Variants in NHS observed in about 807,000 individuals in gnomAD.
NHS encodes the protein actin remodeling regulator NHS.
A neutral mutation model predicts 72.5 loss-of-function variants in NHS; 5 were observed. The observed-to-expected ratio is 0.07, with a 90% CI of 0.04 to 0.14. The LOEUF is 0.14. Ranked by LOEUF, NHS falls within the 10% of genes least tolerant of loss-of-function variation. NHS has a pLI of 1.00. For missense variants in NHS, 1,072 were observed against 1,355.7 expected (o/e 0.79, Z 3.29); for synonymous variants, 464 against 547.7 (o/e 0.85, Z 2.13).
intron 1 of NHS, among the ~76,000 whole-genome samples, chrX:17,438,738 A>C (rs1001869762): frequency 8.9e-6 from 1 of 112,030 alleles, no homozygotes; most frequent in African/African-American, 3.2e-5. Flanking sequence ...TGTCTTCAGC[A>C]AGAAATAGTT....
chrX:17,454,537 A>G (rs1454887570), intron 1 of NHS, among the ~76,000 whole-genome samples: 1 of 112,509 alleles, frequency 8.9e-6, no homozygotes, highest in African/African-American at 3.2e-5. Context: ...AATGTTGGCT[A>G]GAAGGCCACT....
chrX:17,601,283 G>A (rs192865177), intron 1 of NHS, among the ~76,000 whole-genome samples: 80 of 112,086 alleles, frequency 7.1e-4, no homozygotes, highest in Non-Finnish European at 1.1e-3. Context: ...TGGACATTGT[G>A]TTTCTTGCCA....
intron 1 of NHS, among the ~76,000 whole-genome samples, chrX:17,678,683 G>C (rs1476689689): frequency 9.0e-6 from 1 of 111,209 alleles, no homozygotes; most frequent in Non-Finnish European, 1.9e-5. Flanking sequence ...ACTGGGGATT[G>C]CATTTCAACA....
At chrX:17,515,416 A>G (rs1284688880) in intron 1 of NHS, among the ~76,000 whole-genome samples, 1 of 112,355 alleles carries the variant, frequency 8.9e-6, no homozygotes, top group African/African-American at 3.2e-5. Context: ...CTGAGTCTAT[A>G]TTATATACCA....
intron 1 of NHS, among the ~76,000 whole-genome samples, chrX:17,608,085 T>G (rs1378726029): frequency 1.8e-5 from 2 of 108,993 alleles, no homozygotes; most frequent in African/African-American, 6.7e-5. Flanking sequence ...CAGCTAATTT[T>G]TTTGTTTTTA....
At position 17,538,594 on chromosome X, in the gene NHS, T is replaced by C. The variant is rs757509393; in HGVS notation, c.566-149148T>C. On this transcript the variant is annotated intron_variant, in intron 1 of 8. Transcript: ENST00000676302. ...ATGTTGAGTCCTGGCACTTCTGTGC[T>C]CCAGTGACCAGAGAAAGCCCTCAGG... Among the ~76,000 whole-genome samples, 3 of 111,505 alleles carry C rather than the reference T, an allele frequency of 2.7e-5. No homozygotes were observed. In the South Asian group the frequency reaches 1.1e-3, roughly 43 times the overall value.
intron 1 of NHS, among the ~76,000 whole-genome samples, chrX:17,412,514 C>T (rs1415373501): frequency 4.5e-5 from 5 of 110,553 alleles, no homozygotes; most frequent in African/African-American, 1.6e-4. Flanking sequence ...GGAGAATCAC[C>T]TGAGCCCAGG....
At chrX:17,503,279 A>T (rs1328558792) in intron 1 of NHS, among the ~76,000 whole-genome samples, 1 of 112,344 alleles carries the variant, frequency 8.9e-6, no homozygotes, top group Admixed American at 9.5e-5. Flanking sequence ...TTCACTTTTT[A>T]AAATTACTGC....
chrX:17,440,054 G>A (rs1299347030), intron 1 of NHS, among the ~76,000 whole-genome samples: 1 of 109,996 alleles, frequency 9.1e-6, no homozygotes, highest in Admixed American at 9.7e-5. Context: ...GAGGTCAGGA[G>A]TTCGAGACCA....
chrX:17,493,641 A>G (rs2065000635), intron 1 of NHS, among the ~76,000 whole-genome samples: 1 of 111,581 alleles, frequency 9.0e-6, no homozygotes, highest in Non-Finnish European at 1.9e-5. Context: ...ATGGAGATGT[A>G]TGCTATTTCT....
chrX:17,418,176 C>T (rs2064606074), intron 1 of NHS, among the ~76,000 whole-genome samples: 1 of 111,901 alleles, frequency 8.9e-6, no homozygotes. Flanking sequence ...TCCAACAAAA[C>T]CAAGTAGCAA....
chrX:17,645,572 G>C lies in NHS; in HGVS notation c.566-42170G>C, dbSNP rs960796942. 1.8e-4 allele frequency among the ~76,000 whole-genome samples: 20 copies of C among 111,171 alleles called. 1 individual carries two copies. The highest frequency in any genetic ancestry group is 1.6e-3 in the Admixed American group (17 of 10,486). On this transcript the variant is annotated intron_variant, in intron 1 of 8. Coordinates refer to ENST00000676302, the MANE Select transcript of NHS (RefSeq NM_001291867.2). ...ATGACATCCTAGAACTGCTGAAGTG[G>C]GCAGGGAGGACCTCAGTGTGGTCCC...
Position 17,375,659 on chromosome X carries a change from C to A in NHS, c.-99C>A. The A allele has an allele frequency of 1.0e-6, 1 of 958,639 alleles. No individual in the cohort carries two copies. The highest frequency in any genetic ancestry group is 1.4e-6 in the Non-Finnish European group (1 of 700,541). The allele number at this position is 958,639 out of a possible 1,213,427, so 79.0% of individuals were successfully genotyped here. A position where few individuals can be genotyped will look rare whatever the true frequency, so the allele number is the denominator to read the frequency against. On this transcript the variant is annotated 5_prime_UTR_variant, in exon 1 of 9. Transcript: ENST00000676302. ...TCCGGACTGCCAGATCGCGCTTTTG[C>A]CGGACTCCTGCCCCCTCCCTGCTCA...
intron 1 of NHS, among the ~76,000 whole-genome samples, chrX:17,641,240 G>T (rs2065879343): frequency 1.8e-5 from 2 of 111,580 alleles, no homozygotes; most frequent in Admixed American, 1.9e-4. Flanking sequence ...TCCATTTTCT[G>T]CCAGGGAAAA....
At chrX:17,384,790 A>T (rs2064397137) in intron 1 of NHS, among the ~76,000 whole-genome samples, 1 of 111,788 alleles carries the variant, frequency 8.9e-6, no homozygotes, top group Admixed American at 9.5e-5. Flanking sequence ...TTTAGGGTCA[A>T]GGACAATTTT....
At chrX:17,444,311 G>C (rs111253735) in intron 1 of NHS, among the ~76,000 whole-genome samples, 1,646 of 111,904 alleles carry the variant, frequency 0.015, 35 homozygotes, top group African/African-American at 0.05. Flanking sequence ...GGTTGGGTCA[G>C]GGACCAACAG....
chrX:17,518,418 G>A (rs757807734), intron 1 of NHS, among the ~76,000 whole-genome samples: 14 of 111,712 alleles, frequency 1.3e-4, no homozygotes, highest in Non-Finnish European at 1.7e-4. Context: ...AGGAGTGAAC[G>A]CATGGCCACA....
chrX:17,667,113 T>C (rs2066017429), intron 1 of NHS, among the ~76,000 whole-genome samples: 2 of 112,734 alleles, frequency 1.8e-5, no homozygotes, highest in South Asian at 7.3e-4. Context: ...GGACTCCCCA[T>C]ACGGATTACA....
Position 17,531,112 on chromosome X carries a change from A to G in NHS, c.565+154790A>G, listed in dbSNP as rs147036073. On this transcript the variant is annotated intron_variant, in intron 1 of 8. Coordinates refer to ENST00000676302, the MANE Select transcript of NHS (RefSeq NM_001291867.2). ...TGGAAACCCTCGCACCAGCCAGGCTACCCTTGCCCCCTGCCTCATGCTTTT... is the reference window on the plus strand; with the variant it reads ...TGGAAACCCTCGCACCAGCCAGGCTGCCCTTGCCCCCTGCCTCATGCTTTT... Among the ~76,000 whole-genome samples the G allele has an allele frequency of 6.3e-3, 701 of 111,093 alleles. 8 individuals carry two copies. Among genetic ancestry groups the G allele is most frequent in the African/African-American group, 0.022 (664 of 30,484 alleles).
Sources: allele counts gnomAD v4.1 joint callset (sites outside exome capture counted in the v4.1 genomes callset), GRCh38; gene constraint gnomAD v4.1.1; transcripts MANE v1.5; gene names NCBI Gene and HGNC (gene_info 2026-07-23, HGNC 2026-07-21).